Variants in RBFOX1 observed in about 807,000 individuals in gnomAD.
The protein encoded by RBFOX1 is RNA binding fox-1 homolog 1, also known as RNA binding protein fox-1 homolog 1.
RBFOX1 carries 8 observed loss-of-function variants against 57.7 expected under a neutral mutation model. The ratio of observed to expected loss-of-function variants is 0.14; its 90% CI spans 0.08 to 0.25. The LOEUF is 0.25. RBFOX1 is among the 10% of genes least tolerant of loss of function. The probability of loss-of-function intolerance (pLI) is 1.00; values close to 1 mark genes in which losing one functional copy is unlikely to be tolerated. For synonymous variants in RBFOX1, 326 were observed against 222.4 expected (o/e 1.47, Z -4.15); for missense variants, 611 against 548.5 (o/e 1.11, Z -1.14).
chr16:6,719,839 T>A (rs1282164882), intron 3 of RBFOX1, among the ~76,000 whole-genome samples: 1 of 152,174 alleles, frequency 6.6e-6, no homozygotes, highest in East Asian at 2.0e-4. Flanking sequence ...ACACCTGTAA[T>A]CTCAGCACTT....
intron 4 of RBFOX1, among the ~76,000 whole-genome samples, chr16:7,205,147 C>G (rs2089651723): frequency 6.6e-6 from 1 of 152,054 alleles, no homozygotes; most frequent in African/African-American, 2.4e-5. Context: ...AAGATAGAGG[C>G]TGAGAGACCA....
intron 4 of RBFOX1, among the ~76,000 whole-genome samples, chr16:7,139,188 G>GTGTGTGTC (rs1567416262): frequency 7.7e-6 from 1 of 130,668 alleles, no homozygotes; most frequent in Non-Finnish European, 1.7e-5. Flanking sequence ...GTGTGTGTGT[G>GTGTGTGTC]TGTGTGTGTA....
intron 1 of RBFOX1, among the ~76,000 whole-genome samples, chr16:6,091,949 G>T (rs114226575): frequency 5.3e-4 from 81 of 152,226 alleles, no homozygotes; most frequent in African/African-American, 1.9e-3. Context: ...CCATCTATCT[G>T]TCCATCTACC....
intron 3 of RBFOX1, among the ~76,000 whole-genome samples, chr16:5,744,797 G>A (rs762392754): frequency 5.9e-5 from 9 of 152,030 alleles, no homozygotes; most frequent in Admixed American, 3.9e-4. Context: ...TTGCTCTGTC[G>A]CCCAGGCTGG....
At chr16:6,811,009 A>G (rs987464897) in intron 3 of RBFOX1, among the ~76,000 whole-genome samples, 3 of 152,214 alleles carry the variant, frequency 2.0e-5, no homozygotes, top group African/African-American at 4.8e-5. Flanking sequence ...ATTTTTGGAA[A>G]TAGTTACAGA....
chr16:5,650,280 C>G (rs2049191472), intron 3 of RBFOX1, among the ~76,000 whole-genome samples: 1 of 151,822 alleles, frequency 6.6e-6, no homozygotes, highest in Admixed American at 6.6e-5. Flanking sequence ...GTGCCCCTTT[C>G]TGGGCTCTCA....
intron 3 of RBFOX1, among the ~76,000 whole-genome samples, chr16:5,682,785 G>A (rs985798544): frequency 3.3e-5 from 5 of 152,162 alleles, no homozygotes; most frequent in East Asian, 1.9e-4. Flanking sequence ...AGCTTGAGAG[G>A]TCCTTGAATT....
At chr16:6,198,662 A>G (rs570665541) in intron 1 of RBFOX1, among the ~76,000 whole-genome samples, 2 of 152,320 alleles carry the variant, frequency 1.3e-5, no homozygotes, top group East Asian at 1.9e-4. Flanking sequence ...GGGTGGAAGC[A>G]TAACATTTAA....
At chr16:5,525,131 A>G (rs147202033) in intron 2 of RBFOX1, among the ~76,000 whole-genome samples, 1 of 152,164 alleles carries the variant, frequency 6.6e-6, no homozygotes, top group Non-Finnish European at 1.5e-5. Flanking sequence ...TTGACTGAGT[A>G]AATGGAAAGA....
At chr16:6,374,154 G>C (rs4786863) in intron 2 of RBFOX1, among the ~76,000 whole-genome samples, 146,924 of 152,324 alleles carry the variant, frequency 0.96, 70,899 homozygotes, top group East Asian at 1. Flanking sequence ...TTGATTCATT[G>C]TCTCTGGATA....
intron 3 of RBFOX1, among the ~76,000 whole-genome samples, chr16:6,936,306 G>A (rs567245544): frequency 6.6e-6 from 1 of 152,264 alleles, no homozygotes; most frequent in South Asian, 2.1e-4. Flanking sequence ...TAAGTTTGTT[G>A]GAAATGCAAG....
At chr16:7,133,414 T>G (rs1231382741) in intron 4 of RBFOX1, among the ~76,000 whole-genome samples, 2 of 152,184 alleles carry the variant, frequency 1.3e-5, no homozygotes, top group Admixed American at 1.3e-4. Flanking sequence ...GTCATGTTTT[T>G]CCAAAGAGAA....
At chr16:5,326,148 C>T (rs79377484) in intron 1 of RBFOX1, among the ~76,000 whole-genome samples, 1 of 152,160 alleles carries the variant, frequency 6.6e-6, no homozygotes, top group Non-Finnish European at 1.5e-5. Flanking sequence ...TTAATTTAGC[C>T]ATTCTGATAG....
chr16:6,986,805 C>G (rs529422293), intron 3 of RBFOX1, among the ~76,000 whole-genome samples: 2 of 152,228 alleles, frequency 1.3e-5, no homozygotes, highest in East Asian at 1.9e-4. Flanking sequence ...ACTGAACACG[C>G]TGTAGGGCAG....
At chr16:5,768,727 C>G (rs747167120) in intron 3 of RBFOX1, among the ~76,000 whole-genome samples, 29 of 152,122 alleles carry the variant, frequency 1.9e-4, no homozygotes, top group Non-Finnish European at 3.7e-4. Context: ...GCTGTTGAAA[C>G]AGGAGGTCAG....
intron 1 of RBFOX1, among the ~76,000 whole-genome samples, chr16:6,028,240 G>A (rs2095233975): frequency 6.6e-6 from 1 of 152,132 alleles, no homozygotes; most frequent in Non-Finnish European, 1.5e-5. Context: ...GCTGTTGATT[G>A]CAAAGGCTGA....
chr16:6,436,727 C>T (rs1222637313), intron 2 of RBFOX1, among the ~76,000 whole-genome samples: 1 of 151,924 alleles, frequency 6.6e-6, no homozygotes. Context: ...TTTGTATCCC[C>T]AAACCAAACA....
intron 1 of RBFOX1, among the ~76,000 whole-genome samples, chr16:6,069,272 C>T (rs571364729): frequency 3.9e-5 from 6 of 151,960 alleles, no homozygotes; most frequent in Admixed American, 6.6e-5. Flanking sequence ...GGGGCACATA[C>T]CTGTAATTCC....
At chr16:6,493,254 T>G (rs1226437056) in intron 2 of RBFOX1, among the ~76,000 whole-genome samples, 1 of 152,110 alleles carries the variant, frequency 6.6e-6, no homozygotes, top group African/African-American at 2.4e-5. Context: ...AGTTATGTTT[T>G]GGTTGAGGTT....
Sources: gnomAD v4.1 joint callset for allele counts (sites outside exome capture counted in the v4.1 genomes callset) on GRCh38, gnomAD v4.1.1 for gene constraint, MANE v1.5 for transcripts, NCBI Gene and HGNC (gene_info 2026-07-23, HGNC 2026-07-21) for gene names.